The following RPS6KC1 variants were observed in gnomAD, a reference collection of about 807,000 sequenced individuals.
RPS6KC1 encodes the protein ribosomal protein S6 kinase C1.
In RPS6KC1, 54 loss-of-function variants were observed where a neutral mutation model predicts 103.8. The observed-to-expected ratio is 0.52, with a 90% confidence interval of 0.42 to 0.65. RPS6KC1 has a LOEUF of 0.65. RPS6KC1 is among the 30% of genes least tolerant of loss of function. The pLI is 0.00. For missense variants in RPS6KC1, 1,151 were observed against 1,253.8 expected, an observed-to-expected ratio of 0.92 and a Z score of 1.24; for synonymous variants, 439 against 438.7, an observed-to-expected ratio of 1.00 and a Z score of -0.01.
intron 5 of RPS6KC1, among the ~76,000 whole-genome samples, chr1:213,125,092 C>T (rs905819746): frequency 2.0e-5 from 3 of 152,018 alleles, no homozygotes; most frequent in Non-Finnish European, 4.4e-5. Flanking sequence ...CTTTTGATAT[C>T]TTTCAGATAC....
chr1:213,089,254 C>T (rs1003478793), intron 3 of RPS6KC1, among the ~76,000 whole-genome samples: 1 of 152,118 alleles, frequency 6.6e-6, no homozygotes, highest in Non-Finnish European at 1.5e-5. Flanking sequence ...GAACTCTTAC[C>T]GTTGTAGGCT....
rs2084120143 is a variant in RPS6KC1 at position 213,119,474 on chromosome 1, ATATATATATATATATATATATAT to A, written c.472+2065_472+2087del. 1.3e-4 allele frequency among the ~76,000 whole-genome samples: 3 copies of A among 22,388 alleles called. No individual in the cohort carries two copies. In the South Asian group the frequency reaches 4.8e-3, roughly 36 times the overall value. 14.7% of individuals were successfully genotyped at this position (22,388 alleles called of 152,430 possible). A position where few individuals can be genotyped will look rare whatever the true frequency, so the allele number is the denominator to read the frequency against. ...TATATATATATATATATATATATAT[ATATATATATATATATATATATAT>A]ATGAGAGTATTCAATGAGGAGTGCA... On this transcript the variant is annotated intron_variant, in intron 5 of 14. Coordinates refer to ENST00000366960, the MANE Select transcript of RPS6KC1 (RefSeq NM_012424.6).
At chr1:213,215,155 G>A (rs1573345442) in intron 8 of RPS6KC1, among the ~76,000 whole-genome samples, 1 of 152,148 alleles carries the variant, frequency 6.6e-6, no homozygotes, top group Non-Finnish European at 1.5e-5. Context: ...ATGGCTAACT[G>A]GAATAACCAA....
chr1:213,096,589 C>T (rs759239668), intron 3 of RPS6KC1, among the ~76,000 whole-genome samples: 3 of 151,790 alleles, frequency 2.0e-5, no homozygotes, highest in Non-Finnish European at 2.9e-5. Flanking sequence ...TGCTTGAACC[C>T]GGGAGGCGGA....
the RPS6KC1 span, among the ~76,000 whole-genome samples, chr1:213,495,459 T>C: frequency 3.3e-5 from 5 of 152,256 alleles, no homozygotes; most frequent in Admixed American, 1.3e-4. Context: ...GTAGCTGGGA[T>C]TACAGGTGCA....
At chr1:213,391,128 C>T in the RPS6KC1 span, among the ~76,000 whole-genome samples, 6 of 152,130 alleles carry the variant, frequency 3.9e-5, no homozygotes. Flanking sequence ...CGAGCATCAC[C>T]TGTTTGCAGT....
intron 14 of RPS6KC1, among the ~76,000 whole-genome samples, chr1:213,270,602 C>T (rs1444424271): frequency 6.6e-6 from 1 of 151,674 alleles, no homozygotes; most frequent in South Asian, 2.1e-4. Context: ...ATAGTGAGAC[C>T]CCGCCTCTAT....
chr1:213,417,213 A>G, the RPS6KC1 span, among the ~76,000 whole-genome samples: 1 of 151,872 alleles, frequency 6.6e-6, no homozygotes, highest in South Asian at 2.1e-4. Flanking sequence ...CTCCTTATAC[A>G]TTTGCTACGA....
the RPS6KC1 span, among the ~76,000 whole-genome samples, chr1:213,441,763 T>C: frequency 2.6e-5 from 4 of 152,218 alleles, no homozygotes; most frequent in South Asian, 2.1e-4. Context: ...TGCAGTTTTT[T>C]TGAGTTCTAT....
chr1:213,515,776 G>A, the RPS6KC1 span, among the ~76,000 whole-genome samples: 1 of 152,138 alleles, frequency 6.6e-6, no homozygotes, highest in African/African-American at 2.4e-5. Context: ...GAAAGTCACT[G>A]GTAGCTTGAT....
the RPS6KC1 span, among the ~76,000 whole-genome samples, chr1:213,496,613 C>A: frequency 1.3e-5 from 2 of 152,104 alleles, no homozygotes; most frequent in African/African-American, 4.8e-5. Context: ...CAAAAATTAG[C>A]CAAGCATGGT....
At chr1:213,200,037 A>G (rs191868903) in intron 8 of RPS6KC1, among the ~76,000 whole-genome samples, 2 of 152,358 alleles carry the variant, frequency 1.3e-5, no homozygotes, top group East Asian at 1.9e-4. Flanking sequence ...GGAAGAATCA[A>G]TATTGTTAAA....
the RPS6KC1 span, among the ~76,000 whole-genome samples, chr1:213,381,783 G>A: frequency 7.2e-5 from 11 of 152,208 alleles, no homozygotes; most frequent in African/African-American, 2.7e-4. Flanking sequence ...TTCTCCATTT[G>A]TTTGCCCTTT....
the RPS6KC1 span, among the ~76,000 whole-genome samples, chr1:213,595,557 C>T: frequency 6.6e-6 from 1 of 152,222 alleles, no homozygotes; most frequent in Non-Finnish European, 1.5e-5. Flanking sequence ...TTCCTGACCA[C>T]GGATGGCTGG....
At chr1:213,716,912 C>T in the RPS6KC1 span, among the ~76,000 whole-genome samples, 10 of 152,034 alleles carry the variant, frequency 6.6e-5, no homozygotes, top group Admixed American at 2.0e-4. Context: ...ATGAGAAAAC[C>T]GATGCAAACT....
At chr1:213,196,665 G>A (rs1001055032) in intron 8 of RPS6KC1, among the ~76,000 whole-genome samples, 8 of 152,132 alleles carry the variant, frequency 5.3e-5, no homozygotes, top group African/African-American at 1.7e-4. Context: ...TGTGTAAGGC[G>A]AGAGATGAGG....
intron 4 of RPS6KC1, among the ~76,000 whole-genome samples, chr1:213,110,274 T>A (rs1572585271): frequency 6.6e-6 from 1 of 152,230 alleles, no homozygotes; most frequent in African/African-American, 2.4e-5. Flanking sequence ...TGTCTTTGTA[T>A]GTCCTGTAAT....
chr1:213,408,676 G>C, the RPS6KC1 span, among the ~76,000 whole-genome samples: 4 of 152,136 alleles, frequency 2.6e-5, no homozygotes, highest in African/African-American at 9.7e-5. Flanking sequence ...ACTTGTCGGA[G>C]CCTGTAATTG....
chr1:213,473,138 G>C, the RPS6KC1 span, among the ~76,000 whole-genome samples: 1 of 152,166 alleles, frequency 6.6e-6, no homozygotes, highest in South Asian at 2.1e-4. Flanking sequence ...GAAAGATTGG[G>C]CAATGTTACA....
Sources: allele counts gnomAD v4.1 joint callset (sites outside exome capture counted in the v4.1 genomes callset), GRCh38; gene constraint gnomAD v4.1.1; transcripts MANE v1.5; gene names NCBI Gene and HGNC (gene_info 2026-07-23, HGNC 2026-07-21).